MGRN1: variants seen among roughly 807,000 people sequenced by gnomAD.
The protein encoded by MGRN1 is mahogunin ring finger 1, also known as E3 ubiquitin-protein ligase MGRN1.
MGRN1 carries 29 observed loss-of-function variants against 69.2 expected under a neutral mutation model. The observed-to-expected ratio is 0.42, with a 90% CI of 0.31 to 0.57. The LOEUF (loss-of-function observed/expected upper bound fraction) is 0.57. MGRN1 is among the 20% of genes least tolerant of loss of function. The pLI, the probability that MGRN1 is intolerant of heterozygous loss-of-function variation, is 0.15. For synonymous variants in MGRN1, 470 were observed against 344.2 expected, an observed-to-expected ratio of 1.37 and a Z score of -4.04; for missense variants, 998 against 796.2, an observed-to-expected ratio of 1.25 and a Z score of -3.05.
At chr16:4,679,174 C>T (rs2079120837) in intron 11 of MGRN1, among the ~76,000 whole-genome samples, 1 of 152,186 alleles carries the variant, frequency 6.6e-6, no homozygotes, top group African/African-American at 2.4e-5. Context: ...GAGAAGCAGC[C>T]CCTGAGGGAT....
At chr16:4,667,797 G>A (rs1016090194) in intron 7 of MGRN1, among the ~76,000 whole-genome samples, 1 of 152,222 alleles carries the variant, frequency 6.6e-6, no homozygotes, top group South Asian at 2.1e-4. Context: ...GAGCTTTGCG[G>A]TTCCCTGTGT....
intron 14 of MGRN1, 137 bp downstream of exon 14, chr16:4,683,083 C>G (rs1428059044): frequency 2.0e-6 from 3 of 1,501,652 alleles, no homozygotes; most frequent in Non-Finnish European, 2.7e-6. Context: ...CTGCGCGGCT[C>G]CTTAGCCTCG....
At chr16:4,686,164 A>T (rs1408193725) in intron 16 of MGRN1, 54 of 1,429,848 alleles carry the variant, frequency 3.8e-5, no homozygotes, top group Non-Finnish European at 5.0e-5. Flanking sequence ...GACGGCCTCG[A>T]CCGTGTCCCC....
intron 5 of MGRN1, among the ~76,000 whole-genome samples, chr16:4,662,070 C>G (rs1389051395): frequency 6.6e-6 from 1 of 152,180 alleles, no homozygotes; most frequent in Admixed American, 6.5e-5. Flanking sequence ...CAGTCGGGTA[C>G]TTTCTTGACA....
intron 5 of MGRN1, chr16:4,664,290 A>G: frequency 3.7e-6 from 1 of 267,468 alleles, no homozygotes; most frequent in Non-Finnish European, 7.3e-6. Flanking sequence ...ATTCCATGTA[A>G]ATGACAGGTC....
intron 3 of MGRN1, 43 bp from the exon 4 acceptor site, chr16:4,652,634 TG>T: frequency 6.4e-7 from 1 of 1,572,210 alleles, no homozygotes; most frequent in Non-Finnish European, 8.7e-7. Flanking sequence ...CCTCCGCAGA[TG>T]GGGCCGCTGA....
rs1034189320 is a variant in MGRN1, at chr16:4,683,187, C to G, written c.1483-37C>G. ...TTGTCCTGGAGCGGTGGCCGCGGCT[C>G]TCTGAGCTCTAGGCTACTTTCCCCT... On this transcript the variant is annotated intron_variant, in intron 14 of 16. Coordinates refer to ENST00000262370, the MANE Select transcript of MGRN1 (RefSeq NM_015246.4). 5 of 1,611,648 alleles carry G rather than the reference C, an allele frequency of 3.1e-6. No individual in the cohort carries two copies. In the East Asian group the frequency reaches 8.9e-5, roughly 29 times the overall value.
intron 13 of MGRN1, among the ~76,000 whole-genome samples, chr16:4,682,041 C>A (rs2079195307): frequency 6.6e-6 from 1 of 152,236 alleles, no homozygotes; most frequent in Non-Finnish European, 1.5e-5. Context: ...CATACGTGCT[C>A]TCGAGCAGGA....
At chr16:4,664,671 G>T in intron 5 of MGRN1, 38 bp from the exon 6 acceptor site, 4 of 1,610,814 alleles carry the variant, frequency 2.5e-6, no homozygotes, top group Non-Finnish European at 3.4e-6. Context: ...AGGCTTGGCT[G>T]TGTGGGTCCT....
rs546705458 is a variant in MGRN1 at position 4,656,293 on chromosome 16, G to T, written c.444-953G>T. Among the ~76,000 whole-genome samples the T allele has an allele frequency of 3.9e-5, 6 of 152,336 alleles. No homozygotes were observed. The East Asian group carries it at 7.7e-4, about 20-fold the overall frequency. ...GTGAGATGTTGGTGACCATCTGCTG[G>T]TGTCCCCCAGGGGCCCTGACTGAAT... On this transcript the variant is annotated intron_variant, in intron 4 of 16. Transcript: ENST00000262370.
chr16:4,653,961 A>C (rs2078467463), intron 4 of MGRN1, among the ~76,000 whole-genome samples: 1 of 152,202 alleles, frequency 6.6e-6, no homozygotes, highest in South Asian at 2.1e-4. Context: ...CATGTTGGTC[A>C]GGCTGGTCTC....
intron 7 of MGRN1, among the ~76,000 whole-genome samples, chr16:4,667,238 T>G (rs935285812): frequency 2.0e-5 from 3 of 152,208 alleles, no homozygotes; most frequent in African/African-American, 7.2e-5. Flanking sequence ...GTCCAGCTCT[T>G]ACCTGTGATC....
intron 1 of MGRN1, among the ~76,000 whole-genome samples, chr16:4,625,328 G>A (rs117861459): frequency 6.6e-6 from 1 of 152,200 alleles, no homozygotes; most frequent in Non-Finnish European, 1.5e-5. Context: ...CTTGCAACAG[G>A]GGGGAGCTCC....
intron 16 of MGRN1, chr16:4,687,182 G>T: frequency 1.0e-6 from 1 of 978,906 alleles, no homozygotes; most frequent in Non-Finnish European, 1.2e-6. Context: ...AAAGATAGGA[G>T]GCCCTGTGAG....
At chr16:4,682,640 C>T (rs1402681669) in intron 13 of MGRN1, among the ~76,000 whole-genome samples, 183 bp from the exon 14 acceptor site, 2 of 151,324 alleles carry the variant, frequency 1.3e-5, no homozygotes, top group African/African-American at 4.8e-5. Context: ...GTGGTGGCCG[C>T]TGTTGCCTGT....
chr16:4,631,513 T>C (rs1339311731), intron 1 of MGRN1, among the ~76,000 whole-genome samples: 1 of 152,236 alleles, frequency 6.6e-6, no homozygotes, highest in Non-Finnish European at 1.5e-5. Context: ...ATCTGTTGGG[T>C]AGAGGCCACA....
At position 4,683,132 on chromosome 16, in the gene MGRN1, G is replaced by A. The variant is rs558599390; in HGVS notation, c.1483-92G>A. 1.1e-4 allele frequency: 169 copies of A among 1,553,442 alleles called. 2 individuals are homozygous for A. In the East Asian group the frequency reaches 2.9e-3, roughly 27 times the overall value. ...GCACCCCCTGGTGGAGCGGCTGTGC[G>A]GTCCCGGGAGGGCCGTGCCTGATGG... On this transcript the variant is annotated intron_variant, in intron 14 of 16. Transcript: ENST00000262370.
intron 5 of MGRN1, among the ~76,000 whole-genome samples, chr16:4,657,812 C>T (rs947548931): frequency 7.7e-6 from 1 of 130,252 alleles, no homozygotes; most frequent in Non-Finnish European, 1.5e-5. Context: ...GTGGCGCGAT[C>T]TCGGATCACT....
At chr16:4,657,621 A>T (rs1336824727) in intron 5 of MGRN1, among the ~76,000 whole-genome samples, 1 of 150,556 alleles carries the variant, frequency 6.6e-6, no homozygotes, top group Non-Finnish European at 1.5e-5. Flanking sequence ...GTTTGGGGAG[A>T]TGTGAAGAAT....
Sources: allele counts gnomAD v4.1 joint callset (sites outside exome capture counted in the v4.1 genomes callset), GRCh38; gene constraint gnomAD v4.1.1; transcripts MANE v1.5; gene names NCBI Gene and HGNC (gene_info 2026-07-23, HGNC 2026-07-21).